ANKRD18A: variants seen among roughly 807,000 people sequenced by gnomAD.
The protein encoded by ANKRD18A is ankyrin repeat domain-containing protein 18A.
ANKRD18A carries 72 observed loss-of-function variants against 110.6 expected under a neutral mutation model. That is an observed-to-expected ratio of 0.65 (90% CI 0.54 to 0.79). The LOEUF is 0.79. ANKRD18A is among the 30% of genes least tolerant of loss of function. ANKRD18A has a pLI of 0.00. For synonymous variants in ANKRD18A, 305 were observed against 410.3 expected, an observed-to-expected ratio of 0.74 and a Z score of 3.10; for missense variants, 934 against 1,163.3, an observed-to-expected ratio of 0.80 and a Z score of 2.87.
intron 12 of ANKRD18A, among the ~76,000 whole-genome samples, chr9:38,582,429 A>G (rs1824204405): frequency 6.6e-6 from 1 of 152,184 alleles, no homozygotes; most frequent in Admixed American, 6.5e-5. Flanking sequence ...TTATGACATA[A>G]GACAACTGGT....
At chr9:38,580,042 G>A (rs1824087722) in intron 12 of ANKRD18A, among the ~76,000 whole-genome samples, 1 of 152,192 alleles carries the variant, frequency 6.6e-6, no homozygotes. Flanking sequence ...TCAGTCTGGA[G>A]GATATTATGT....
chr9:38,591,343 C>T (rs961151026), intron 10 of ANKRD18A, among the ~76,000 whole-genome samples: 1 of 152,156 alleles, frequency 6.6e-6, no homozygotes, highest in Non-Finnish European at 1.5e-5. Flanking sequence ...CCCAGATCTA[C>T]CAGATACTAG....
At chr9:38,579,085 A>G (rs1824038813) in intron 12 of ANKRD18A, among the ~76,000 whole-genome samples, 1 of 152,214 alleles carries the variant, frequency 6.6e-6, no homozygotes, top group Admixed American at 6.5e-5. Context: ...AAGAACATAC[A>G]TTGGGGAAAG....
In ANKRD18A at chr9:38,581,729, C is replaced by T. The variant is rs189859770; in HGVS notation, c.2248-3581G>A. On this transcript the variant is annotated intron_variant, in intron 12 of 15. Transcript: ENST00000399703. ...AAGACCATCCCATCTCTGTATTATA[C>T]CGCAATGCTTCTCTATAGCACACAA... 3.2e-3 allele frequency among the ~76,000 whole-genome samples: 483 copies of T among 152,298 alleles called. 1 individual carries two copies. Among genetic ancestry groups the T allele is most frequent in the Non-Finnish European group, 5.2e-3 (353 of 68,028 alleles).
At chr9:38,606,818 T>C (rs1350459542) in intron 6 of ANKRD18A, among the ~76,000 whole-genome samples, 2 of 152,072 alleles carry the variant, frequency 1.3e-5, no homozygotes, top group South Asian at 2.1e-4. Context: ...ATGGAGGAAA[T>C]TGCAACATAT....
intron 15 of ANKRD18A, chr9:38,572,383 G>C (rs2118612415): frequency 5.0e-6 from 1 of 201,130 alleles, no homozygotes; most frequent in East Asian, 1.5e-4. Context: ...AGACCGGCAG[G>C]TAATGTCCAT....
intron 9 of ANKRD18A, among the ~76,000 whole-genome samples, 160 bp from the exon 10 acceptor site, chr9:38,594,069 G>A (rs368296204): frequency 1.2e-4 from 19 of 152,230 alleles, no homozygotes; most frequent in African/African-American, 4.6e-4. Context: ...TGAATTCAGT[G>A]AGGGACATAG....
rs66982362 is a variant in ANKRD18A at position 38,601,991 on chromosome 9, GAA to G, written c.863-789_863-788del. ...GAGTAAAAACTTGTTTCCAAAAACA[GAA>G]AAAAAAAAAAAAAAAGGAAAAAAGG... On this transcript the variant is annotated intron_variant, in intron 7 of 15. Transcript: ENST00000399703. Among the ~76,000 whole-genome samples, 376 of 79,648 alleles carry G rather than the reference GAA, an allele frequency of 4.7e-3. 1 individual carries two copies. Among genetic ancestry groups the G allele is most frequent in the Non-Finnish European group, 7.1e-3 (271 of 37,960 alleles). The allele number at this position is 79,648 out of a possible 152,430, so 52.3% of individuals were successfully genotyped here.
chr9:38,620,189 A>T lies in ANKRD18A; in HGVS notation c.97T>A (p.Trp33Arg), dbSNP rs1405111901. ...GCCCTGTGGATCTTCCGCAGTTCCC[A>T]GTCCCGAATGTCGTAACCCGGACCC... ...YAGPGYDIRD[W>R]ELRKIHRAAI... The change falls in exon 1 of 16, where the codon TGG (tryptophan) becomes AGG (arginine). Residue 33 changes from tryptophan (W) to arginine (R), a missense_variant. Around this residue, in one of 4 missense-constraint regions of ANKRD18A, gnomAD observed 630 missense variants for 797.5 expected, o/e 0.79. Transcript: ENST00000399703. 1.0e-5 allele frequency: 16 copies of T among 1,557,470 alleles called. No individual in the cohort carries two copies. Among genetic ancestry groups the T allele is most frequent in the African/African-American group, 1.4e-5 (1 of 73,378 alleles).
chr9:38,613,720 A>T (rs543697594), intron 3 of ANKRD18A, among the ~76,000 whole-genome samples: 16 of 152,242 alleles, frequency 1.1e-4, no homozygotes, highest in Non-Finnish European at 2.1e-4. Flanking sequence ...ATAATGCCAA[A>T]GCTCTATAAA....
At chr9:38,608,028 G>C (rs1411898644) in intron 5 of ANKRD18A, among the ~76,000 whole-genome samples, 1 of 152,154 alleles carries the variant, frequency 6.6e-6, no homozygotes, top group African/African-American at 2.4e-5. Flanking sequence ...ATATTCGAAT[G>C]TCACAGTTTT....
intron 8 of ANKRD18A, 21 bp downstream of exon 8, chr9:38,601,110 G>C (rs546452333): frequency 2.1e-5 from 33 of 1,545,794 alleles, no homozygotes; most frequent in Non-Finnish European, 2.9e-5. Flanking sequence ...TATTAAACCA[G>C]AAATTTAAAT....
intron 1 of ANKRD18A, 82 bp downstream of exon 1, chr9:38,619,998 G>C: frequency 6.7e-7 from 1 of 1,496,274 alleles, no homozygotes. Context: ...CGCCCTCCAA[G>C]GTCCCCGCCC....
downstream of ANKRD18A, chr9:38,566,694 G>A (rs528892894): frequency 6.6e-6 from 1 of 152,328 alleles, no homozygotes; most frequent in Admixed American, 6.5e-5. Flanking sequence ...AGGGTGGACA[G>A]GAAGCACAGG....
intron 10 of ANKRD18A, among the ~76,000 whole-genome samples, chr9:38,593,112 CTG>C (rs913613478): frequency 6.6e-6 from 1 of 152,188 alleles, no homozygotes; most frequent in African/African-American, 2.4e-5. Context: ...CTCAGTGAAA[CTG>C]TTTTTAAAAT....
At chr9:38,616,848 T>C (rs901435315) in intron 1 of ANKRD18A, among the ~76,000 whole-genome samples, 1 of 152,214 alleles carries the variant, frequency 6.6e-6, no homozygotes, top group Non-Finnish European at 1.5e-5. Flanking sequence ...ATTTAAAGAT[T>C]AGGTCACATT....
chr9:38,582,600 T>C (rs1824211381), intron 12 of ANKRD18A, among the ~76,000 whole-genome samples: 1 of 152,170 alleles, frequency 6.6e-6, no homozygotes, highest in Non-Finnish European at 1.5e-5. Flanking sequence ...GAAAAAATAG[T>C]CTTTTCAATA....
At chr9:38,594,340 C>A (rs1016333909) in intron 9 of ANKRD18A, among the ~76,000 whole-genome samples, 1 of 152,166 alleles carries the variant, frequency 6.6e-6, no homozygotes, top group East Asian at 1.9e-4. Flanking sequence ...TCTCTGTGAA[C>A]TCTGCCACCC....
At chr9:38,578,714 CA>C (rs1025630823) in intron 12 of ANKRD18A, among the ~76,000 whole-genome samples, 1 of 151,822 alleles carries the variant, frequency 6.6e-6, no homozygotes, top group African/African-American at 2.4e-5. Context: ...CCCATCTCTA[CA>C]AAAAAACAAA....
Sources: allele counts gnomAD v4.1 joint callset (sites outside exome capture counted in the v4.1 genomes callset), GRCh38; gene constraint gnomAD v4.1.1; regional missense constraint gnomAD v4.1.1; transcripts MANE v1.5; gene names NCBI Gene and HGNC (gene_info 2026-07-23, HGNC 2026-07-21).